The following NBEAL1 variants were observed in gnomAD, a reference collection of about 807,000 sequenced individuals.
NBEAL1 encodes the protein neurobeachin like 1, also known as neurobeachin-like protein 1.
A neutral mutation model predicts 351.3 loss-of-function variants in NBEAL1; 273 were observed. The observed-to-expected ratio is 0.78, with a 90% CI of 0.70 to 0.86. The LOEUF (loss-of-function observed/expected upper bound fraction) is 0.86, where lower values mean the gene tolerates loss of function less well. Ranked by LOEUF, NBEAL1 falls within the 40% of genes least tolerant of loss-of-function variation. The probability of loss-of-function intolerance (pLI) is 0.00; values close to 1 mark genes in which losing one functional copy is unlikely to be tolerated. For synonymous variants in NBEAL1, 1,050 were observed against 1,086.4 expected (o/e 0.97, Z 0.66); for missense variants, 2,961 against 3,201.3 (o/e 0.92, Z 1.81).
intron 10 of NBEAL1, among the ~76,000 whole-genome samples, chr2:203,090,970 A>G (rs2062053406): frequency 6.6e-6 from 1 of 152,114 alleles, no homozygotes. Flanking sequence ...GAAAGGAAGA[A>G]AGGAAAGGAA....
At chr2:203,032,162 C>G (rs2060959087) in intron 2 of NBEAL1, among the ~76,000 whole-genome samples, 1 of 152,110 alleles carries the variant, frequency 6.6e-6, no homozygotes, top group Non-Finnish European at 1.5e-5. Context: ...TCAGCCCAGT[C>G]AAGCTTTGGT....
chr2:203,019,324 A>G (rs578069274), intron 2 of NBEAL1, among the ~76,000 whole-genome samples: 54 of 152,324 alleles, frequency 3.5e-4, no homozygotes, highest in South Asian at 2.1e-3. Flanking sequence ...AACTGTCTCT[A>G]TCAGCATTTG....
intron 6 of NBEAL1, among the ~76,000 whole-genome samples, chr2:203,067,096 G>A (rs569018508): frequency 7.2e-5 from 11 of 151,902 alleles, no homozygotes; most frequent in South Asian, 6.3e-4. Context: ...GGGCAGAGGC[G>A]CTCCTCACTT....
At chr2:203,169,025 G>C (rs1559032649) in intron 38 of NBEAL1, among the ~76,000 whole-genome samples, 1 of 151,356 alleles carries the variant, frequency 6.6e-6, no homozygotes, top group African/African-American at 2.4e-5. Context: ...TAGGTATTAT[G>C]TTTAATTTAA....
rs1178328900 is a variant in NBEAL1 at position 203,208,706 on chromosome 2, A to T, written c.7576A>T (p.Ser2526Cys). 33 of 1,612,660 alleles carry T rather than the reference A, an allele frequency of 2.0e-5. No homozygotes were observed. Among genetic ancestry groups the T allele is most frequent in the Non-Finnish European group, 2.6e-5 (31 of 1,179,740 alleles). Residue 2526 changes from serine to cysteine, a missense_variant, in exon 52 of 56, where the codon AGT becomes TGT. By Grantham distance (112) the Ser-to-Cys change is moderately radical. Coordinates refer to ENST00000683969, the MANE Select transcript of NBEAL1 (RefSeq NM_001378026.1). ...ILYGHTNEVL[S>C]VGISTELDMA... ...TTATGGACACACCAACGAGGTACTG[A>T]GTGTCGGCATCAGCACTGAGCTAGA...
chr2:203,112,309 A>G (rs997810438), intron 16 of NBEAL1, among the ~76,000 whole-genome samples: 1 of 152,238 alleles, frequency 6.6e-6, no homozygotes, highest in African/African-American at 2.4e-5. Flanking sequence ...GAAAACATTT[A>G]AGGAAGAAAC....
chr2:203,119,952 G>A (rs942432600), intron 18 of NBEAL1, among the ~76,000 whole-genome samples: 1 of 152,092 alleles, frequency 6.6e-6, no homozygotes, highest in African/African-American at 2.4e-5. Context: ...ATTGTAGGAG[G>A]TATTTAATCA....
intron 52 of NBEAL1, 66 bp downstream of exon 52, chr2:203,208,819 T>A: frequency 8.1e-7 from 1 of 1,233,266 alleles, no homozygotes; most frequent in Non-Finnish European, 1.1e-6. Flanking sequence ...CACTTATAAC[T>A]AAAAAGTTTT....
At chr2:203,136,363 T>G in intron 28 of NBEAL1, 111 bp downstream of exon 28, 1 of 911,606 alleles carries the variant, frequency 1.1e-6, no homozygotes. Context: ...GTATTCATGT[T>G]CTAAGTTTCA....
At chr2:203,131,152 T>C (rs1369342873) in intron 25 of NBEAL1, among the ~76,000 whole-genome samples, 2 of 152,228 alleles carry the variant, frequency 1.3e-5, no homozygotes, top group Non-Finnish European at 2.9e-5. Flanking sequence ...GTAATTAAAC[T>C]AGAGTTTTAA....
intron 50 of NBEAL1, 148 bp downstream of exon 50, chr2:203,201,863 T>G (rs2065408973): frequency 1.9e-6 from 1 of 537,646 alleles, no homozygotes; most frequent in Admixed American, 3.7e-5. Context: ...AAATATATAC[T>G]TTCTATAGGA....
chr2:203,191,587 G>A (rs991177615), intron 46 of NBEAL1, among the ~76,000 whole-genome samples: 4 of 152,174 alleles, frequency 2.6e-5, no homozygotes, highest in Non-Finnish European at 4.4e-5. Context: ...AGCAATCACT[G>A]TGTTTGTTAG....
intron 10 of NBEAL1, among the ~76,000 whole-genome samples, chr2:203,097,276 C>T (rs2062204823): frequency 6.6e-6 from 1 of 152,132 alleles, no homozygotes; most frequent in Non-Finnish European, 1.5e-5. Flanking sequence ...TCTGCTGATT[C>T]TTTAAGAATT....
intron 10 of NBEAL1, among the ~76,000 whole-genome samples, chr2:203,090,804 G>T (rs966782169): frequency 1.3e-5 from 2 of 152,058 alleles, no homozygotes; most frequent in Non-Finnish European, 2.9e-5. Flanking sequence ...CAAGAGAATT[G>T]CTTGAACCCC....
intron 46 of NBEAL1, chr2:203,190,624 A>G (rs1466532103): frequency 2.6e-5 from 22 of 841,966 alleles, no homozygotes; most frequent in African/African-American, 3.4e-5. Flanking sequence ...AAAACTTCTA[A>G]TAGCTAACAT....
chr2:203,053,333 ACCAT>A (rs1430455391), intron 4 of NBEAL1, among the ~76,000 whole-genome samples: 1 of 152,090 alleles, frequency 6.6e-6, no homozygotes. Context: ...AAAGATGTTC[ACCAT>A]CTTTTCATAT....
At chr2:203,160,004 T>C (rs1020449630) in intron 36 of NBEAL1, among the ~76,000 whole-genome samples, 6 of 152,028 alleles carry the variant, frequency 3.9e-5, no homozygotes, top group African/African-American at 4.8e-5. Flanking sequence ...GTTGAGCATC[T>C]TTCCATGTGC....
chr2:203,203,116 G>A (rs1159777622), intron 51 of NBEAL1, among the ~76,000 whole-genome samples: 3 of 151,880 alleles, frequency 2.0e-5, no homozygotes, highest in Non-Finnish European at 1.5e-5. Flanking sequence ...TCATCAACCT[G>A]ATTGCATTCT....
At chr2:203,085,954 C>T (rs912239403) in intron 10 of NBEAL1, 9 of 152,208 alleles carry the variant, frequency 5.9e-5, no homozygotes, top group African/African-American at 2.2e-4. Flanking sequence ...TTTGATAGCT[C>T]AAAATCATAT....
Sources: allele counts gnomAD v4.1 joint callset (sites outside exome capture counted in the v4.1 genomes callset), GRCh38; gene constraint gnomAD v4.1.1; transcripts MANE v1.5; gene names NCBI Gene and HGNC (gene_info 2026-07-23, HGNC 2026-07-21).